SOX5: variants seen among roughly 807,000 people sequenced by gnomAD.
SOX5 encodes the protein SRY-box transcription factor 5.
A neutral mutation model predicts 92.0 loss-of-function variants in SOX5; 9 were observed. The observed-to-expected ratio is 0.10, with a 90% CI of 0.06 to 0.17. SOX5 has a LOEUF of 0.17. SOX5 is among the 10% of genes least tolerant of loss of function. The pLI, the probability that SOX5 is intolerant of heterozygous loss-of-function variation, is 1.00. For missense variants in SOX5, 642 were observed against 944.5 expected (o/e 0.68, Z 4.20); for synonymous variants, 344 against 336.3 (o/e 1.02, Z -0.25).
At chr12:24,189,276 A>T (rs1956300332) in intron 4 of SOX5, among the ~76,000 whole-genome samples, 1 of 152,158 alleles carries the variant, frequency 6.6e-6, no homozygotes, top group South Asian at 2.1e-4. Context: ...AGAGCCAGGG[A>T]TCCATCCGTA....
At chr12:23,720,373 A>G (rs2140536958) in intron 6 of SOX5, among the ~76,000 whole-genome samples, 1 of 152,330 alleles carries the variant, frequency 6.6e-6, no homozygotes, top group South Asian at 2.1e-4. Flanking sequence ...TTAGGTTTTT[A>G]AAACATAACA....
intron 7 of SOX5, among the ~76,000 whole-genome samples, chr12:23,646,411 C>T (rs1299736885): frequency 6.6e-6 from 1 of 152,176 alleles, no homozygotes; most frequent in African/African-American, 2.4e-5. Flanking sequence ...AAGCAATCCA[C>T]CTGCCTTGGC....
chr12:23,617,180 A>C (rs1381383898), intron 8 of SOX5, among the ~76,000 whole-genome samples: 1 of 151,506 alleles, frequency 6.6e-6, no homozygotes, highest in Non-Finnish European at 1.5e-5. Flanking sequence ...CCATCAGGGG[A>C]AAAATGTTAC....
chr12:24,055,955 A>G (rs1160626448), intron 4 of SOX5, among the ~76,000 whole-genome samples: 1 of 152,204 alleles, frequency 6.6e-6, no homozygotes, highest in Admixed American at 6.5e-5. Flanking sequence ...TCTGGGAAAT[A>G]GAGCCCACAG....
chr12:23,615,010 G>T (rs1234492062), intron 8 of SOX5, among the ~76,000 whole-genome samples: 1 of 151,682 alleles, frequency 6.6e-6, no homozygotes, highest in Non-Finnish European at 1.5e-5. Flanking sequence ...TACCATGTTG[G>T]TCAGGATGTT....
intron 1 of SOX5, among the ~76,000 whole-genome samples, chr12:24,558,637 T>A (rs1012999126): frequency 3.9e-5 from 6 of 152,188 alleles, no homozygotes; most frequent in Admixed American, 3.9e-4. Flanking sequence ...ACTTTACTCC[T>A]TTATTAATGG....
intron 1 of SOX5, among the ~76,000 whole-genome samples, chr12:24,406,921 A>G (rs533257140): frequency 6.6e-6 from 1 of 152,082 alleles, no homozygotes; most frequent in African/African-American, 2.4e-5. Context: ...AGAAACCCCA[A>G]ATATGTTGGG....
intron 4 of SOX5, among the ~76,000 whole-genome samples, chr12:24,176,926 G>A (rs531420135): frequency 2.0e-5 from 3 of 151,078 alleles, no homozygotes; most frequent in African/African-American, 7.3e-5. Flanking sequence ...TTAGGATGTG[G>A]TAATTTGTAG....
chr12:24,205,992 A>C (rs1957982741), intron 4 of SOX5, among the ~76,000 whole-genome samples: 1 of 152,214 alleles, frequency 6.6e-6, no homozygotes, highest in African/African-American at 2.4e-5. Flanking sequence ...AGCTTGCTAC[A>C]TTTCCATAAA....
At chr12:23,688,181 T>G (rs890505212) in intron 6 of SOX5, among the ~76,000 whole-genome samples, 2 of 152,068 alleles carry the variant, frequency 1.3e-5, no homozygotes, top group Admixed American at 6.6e-5. Context: ...CATCACCAAT[T>G]CAGCAATACA....
At chr12:24,169,799 A>G (rs1953863879) in intron 4 of SOX5, among the ~76,000 whole-genome samples, 1 of 152,152 alleles carries the variant, frequency 6.6e-6, no homozygotes, top group African/African-American at 2.4e-5. Flanking sequence ...TTTGTTTATA[A>G]ACTTTGTTTC....
intron 3 of SOX5, among the ~76,000 whole-genome samples, chr12:24,248,701 T>A (rs1939407975): frequency 6.6e-6 from 1 of 152,170 alleles, no homozygotes; most frequent in Admixed American, 6.5e-5. Flanking sequence ...TTCCTTTTTT[T>A]AAGCTTTGTT....
intron 1 of SOX5, among the ~76,000 whole-genome samples, chr12:24,392,712 A>G (rs1959120334): frequency 6.6e-6 from 1 of 152,070 alleles, no homozygotes; most frequent in Non-Finnish European, 1.5e-5. Flanking sequence ...GAGAGCAGGG[A>G]CTTTTGTTTT....
intron 4 of SOX5, among the ~76,000 whole-genome samples, chr12:23,976,398 CAAAAAAACAAAAAAAAAAA>C (rs990487987): frequency 9.4e-6 from 1 of 106,776 alleles, no homozygotes; most frequent in Non-Finnish European, 1.8e-5. Context: ...ATTAAAAAAA[CAAAAAAACAAAAAAAAAAA>C]AAAAAAAGAA....
chr12:24,371,988 TAA>T (rs946592470), intron 1 of SOX5, among the ~76,000 whole-genome samples: 2 of 144,100 alleles, frequency 1.4e-5, no homozygotes, highest in Non-Finnish European at 1.5e-5. Flanking sequence ...ACTCTGCCTT[TAA>T]AAAAAAAAAA....
chr12:24,557,400 CAAA>C (rs36026440), intron 1 of SOX5, among the ~76,000 whole-genome samples: 1 of 105,546 alleles, frequency 9.5e-6, no homozygotes. Flanking sequence ...GACTTCATTT[CAAA>C]AAAAAAAAAA....
At chr12:24,141,318 T>G (rs758615798) in intron 4 of SOX5, among the ~76,000 whole-genome samples, 3 of 152,166 alleles carry the variant, frequency 2.0e-5, no homozygotes, top group Non-Finnish European at 4.4e-5. Context: ...AGGAAAAATC[T>G]GTCAGTAAGA....
At chr12:24,492,714 T>TA (rs933872422) in intron 1 of SOX5, among the ~76,000 whole-genome samples, 1 of 152,198 alleles carries the variant, frequency 6.6e-6, no homozygotes, top group African/African-American at 2.4e-5. Context: ...AAGTGATACT[T>TA]ACGTATTTTG....
intron 2 of SOX5, among the ~76,000 whole-genome samples, chr12:24,303,502 A>T (rs752266042): frequency 6.6e-5 from 10 of 152,222 alleles, no homozygotes; most frequent in Non-Finnish European, 1.5e-4. Flanking sequence ...TAAACAAAAA[A>T]ATAGGTATTT....
Sources: gnomAD v4.1 joint callset for allele counts (sites outside exome capture counted in the v4.1 genomes callset) on GRCh38, gnomAD v4.1.1 for gene constraint, MANE v1.5 for transcripts, NCBI Gene and HGNC (gene_info 2026-07-23, HGNC 2026-07-21) for gene names.